The following DMD variants were observed in gnomAD, a reference collection of about 807,000 sequenced individuals.
DMD encodes the protein dystrophin, also known as mutant dystrophin.
In DMD, 63 loss-of-function variants were observed where a neutral mutation model predicts 330.1. That is an observed-to-expected ratio of 0.19 (90% CI 0.16 to 0.24). The LOEUF (loss-of-function observed/expected upper bound fraction) is 0.24. Among genes scored for constraint, DMD ranks in the 10% least tolerant of loss-of-function variants. The pLI is 1.00. For missense variants in DMD, 3,344 were observed against 2,684.1 expected (o/e 1.25, Z -5.43); for synonymous variants, 1,223 against 959.8 (o/e 1.27, Z -5.07).
At chrX:31,522,864 TA>T (rs2072955237) in intron 55 of DMD, among the ~76,000 whole-genome samples, 1 of 111,412 alleles carries the variant, frequency 9.0e-6, no homozygotes, top group Non-Finnish European at 1.9e-5. Flanking sequence ...TAGCCTGAAA[TA>T]GGGGCGGTAA....
chrX:32,461,237 C>A (rs748203604), intron 25 of DMD, among the ~76,000 whole-genome samples: 1 of 111,809 alleles, frequency 8.9e-6, no homozygotes, highest in Non-Finnish European at 1.9e-5. Context: ...TAGATTTACA[C>A]TTCATTTCCA....
chrX:31,391,380 T>G (rs1364799154), intron 60 of DMD, among the ~76,000 whole-genome samples: 1 of 110,695 alleles, frequency 9.0e-6, no homozygotes, highest in Non-Finnish European at 1.9e-5. Flanking sequence ...GTGCTGGGAT[T>G]ACAGGCATGA....
chrX:31,350,657 GAGA>G lies in DMD; in HGVS notation c.9085-2026_9085-2024del, dbSNP rs1432161154. ...TGAGAGAGAGAGAGAGAGAGAGAGAGAGAAGAGAAGAGAAGCGATGCGGAACAA... is the reference window on the plus strand; with the variant it reads ...TGAGAGAGAGAGAGAGAGAGAGAGAGAGAGAAGAGAAGCGATGCGGAACAA... On this transcript the variant is annotated intron_variant, in intron 60 of 78. Transcript: ENST00000357033. Among the ~76,000 whole-genome samples the G allele has an allele frequency of 8.1e-5, 8 of 98,586 alleles. No individual in the cohort carries two copies. In the East Asian group the frequency reaches 1.9e-3, roughly 23 times the overall value. The allele number at this position is 98,586 out of a possible 115,157, so 85.6% of individuals were successfully genotyped here.
chrX:32,190,417 C>G (rs927755368), intron 44 of DMD, among the ~76,000 whole-genome samples: 1 of 107,924 alleles, frequency 9.3e-6, no homozygotes, highest in Non-Finnish European at 1.9e-5. Context: ...ACACAGCAGA[C>G]ACTCATTAAG....
At chrX:32,640,979 TC>T (rs779165161) in intron 11 of DMD, among the ~76,000 whole-genome samples, 3 of 111,470 alleles carry the variant, frequency 2.7e-5, no homozygotes, top group African/African-American at 9.8e-5. Context: ...AACTCTACAG[TC>T]CCCCTGGCCT....
intron 34 of DMD, among the ~76,000 whole-genome samples, chrX:32,369,641 C>G (rs1336010552): frequency 1.8e-5 from 2 of 111,209 alleles, no homozygotes; most frequent in Non-Finnish European, 3.8e-5. Flanking sequence ...ATTCTCTCCT[C>G]CACCCATTTC....
chrX:32,256,693 T>C (rs927094660), intron 43 of DMD, among the ~76,000 whole-genome samples: 11 of 111,481 alleles, frequency 9.9e-5, no homozygotes, highest in African/African-American at 3.6e-4. Flanking sequence ...CAGGAGCTCT[T>C]GTAAGCCAGG....
rs538012001 is a variant in DMD at position 32,223,187 on chromosome X, T to G, written c.6291-6124A>C. ...TGTATTCACTCACAGTTCTGGAGGC[T>G]GGGAAGTCCAAGATAAAGGCTCTGG... On this transcript the variant is annotated intron_variant, in intron 43 of 78. Coordinates refer to ENST00000357033, the MANE Select transcript of DMD (RefSeq NM_004006.3). Among the ~76,000 whole-genome samples, 53 of 112,125 alleles carry G rather than the reference T, an allele frequency of 4.7e-4. 1 individual carries two copies. The highest frequency in any genetic ancestry group is 1.4e-3 in the East Asian group (5 of 3,534).
intron 55 of DMD, among the ~76,000 whole-genome samples, chrX:31,529,705 C>G (rs1490638412): frequency 8.9e-6 from 1 of 111,817 alleles, no homozygotes; most frequent in African/African-American, 3.3e-5. Context: ...GTTTGTGCAC[C>G]CAGGTGCCCT....
chrX:31,551,181 G>GAAAAAA (rs10659535), intron 55 of DMD, among the ~76,000 whole-genome samples: 1 of 75,279 alleles, frequency 1.3e-5, no homozygotes, highest in South Asian at 6.3e-4. Flanking sequence ...TCCATCTCGG[G>GAAAAAA]AAAAAAAAAA....
At chrX:31,689,700 C>T (rs1167998244) in intron 52 of DMD, among the ~76,000 whole-genome samples, 7 of 111,344 alleles carry the variant, frequency 6.3e-5, no homozygotes, top group East Asian at 5.6e-4. Context: ...GGAGGCATCA[C>T]GCTACCTGAC....
Position 31,968,220 on chromosome X carries a change from T to C in DMD, c.6614+119A>G, listed in dbSNP as rs72466602. On this transcript the variant is annotated intron_variant, in intron 45 of 78. Transcript: ENST00000357033. ...TTTACTGCTGTTGATTAATGGTTGA[T>C]AGGTTCTTTAATGTTAGTGCCTTTC... The C allele has an allele frequency of 7.8e-4, 647 of 826,620 alleles. 2 individuals are homozygous for C. The highest frequency in any genetic ancestry group is 1.0e-3 in the Non-Finnish European group (580 of 562,121). The allele number at this position is 826,620 out of a possible 1,213,427, so 68.1% of individuals were successfully genotyped here. A position where few individuals can be genotyped will look rare whatever the true frequency, so the allele number is the denominator to read the frequency against.
intron 1 of DMD, among the ~76,000 whole-genome samples, chrX:33,129,367 G>C (rs1769612806): frequency 1.5e-5 from 1 of 64,838 alleles, no homozygotes; most frequent in Non-Finnish European, 2.7e-5. Flanking sequence ...AGTAGATCCA[G>C]TGCCCGGCAA....
chrX:32,763,469 T>G (rs1227291780), intron 7 of DMD, among the ~76,000 whole-genome samples: 2 of 111,968 alleles, frequency 1.8e-5, no homozygotes, highest in Non-Finnish European at 3.8e-5. Context: ...TTTGTCTGCT[T>G]TAGTGTATTC....
chrX:33,318,649 G>A lies in DMD; in HGVS notation c.7+20610C>T, dbSNP rs1309751281. Among the ~76,000 whole-genome samples, 4 of 108,651 alleles carry A rather than the reference G, an allele frequency of 3.7e-5. No individual in the cohort carries two copies. In the Admixed American group the frequency reaches 4.0e-4, roughly 11 times the overall value. 94.4% of individuals were successfully genotyped at this position (108,651 alleles called of 115,157 possible). A position where few individuals can be genotyped will look rare whatever the true frequency, so the allele number is the denominator to read the frequency against. ...CTTAGTAGAGACAGGGTTTCACCATGTTGGCCAAGCTGGTCTCGAACTCCT... is the reference window on the plus strand; with the variant it reads ...CTTAGTAGAGACAGGGTTTCACCATATTGGCCAAGCTGGTCTCGAACTCCT... On this transcript the variant is annotated intron_variant, in intron 1 of 17. Coordinates refer to the DMD transcript ENST00000288447.
At position 32,372,155 on chromosome X, in the gene DMD, C is replaced by G. The variant is rs963057439; in HGVS notation, c.4846-6956G>C. 2.7e-5 allele frequency among the ~76,000 whole-genome samples: 3 copies of G among 111,368 alleles called. No individual in the cohort carries two copies. In the East Asian group the frequency reaches 8.4e-4, roughly 31 times the overall value. On this transcript the variant is annotated intron_variant, in intron 34 of 78. Transcript: ENST00000357033. ...ATTTATGTTTGTTATAAAACTTGTA[C>G]AATTTTAAATGTAAATCAGCATTTT...
At chrX:32,539,934 G>A (rs1028488066) in intron 17 of DMD, among the ~76,000 whole-genome samples, 1 of 111,563 alleles carries the variant, frequency 9.0e-6, no homozygotes, top group Non-Finnish European at 1.9e-5. Context: ...GGTGAACTGA[G>A]GCATTTCAAA....
intron 1 of DMD, among the ~76,000 whole-genome samples, chrX:33,273,363 A>G (rs1172229995): frequency 2.7e-5 from 3 of 112,690 alleles, no homozygotes; most frequent in Non-Finnish European, 5.6e-5. Flanking sequence ...GTAATCAGTC[A>G]GTGGCACCCA....
intron 52 of DMD, among the ~76,000 whole-genome samples, chrX:31,714,713 G>A (rs1046521249): frequency 6.3e-5 from 7 of 111,451 alleles, no homozygotes; most frequent in African/African-American, 2.3e-4. Flanking sequence ...ATAGCTTGTT[G>A]ACGTATATAT....
Sources: allele counts gnomAD v4.1 joint callset (sites outside exome capture counted in the v4.1 genomes callset), GRCh38; gene constraint gnomAD v4.1.1; transcripts MANE v1.5; gene names NCBI Gene and HGNC (gene_info 2026-07-23, HGNC 2026-07-21).